The following NPAS3 variants were observed in gnomAD, a reference collection of about 807,000 sequenced individuals.
NPAS3 encodes the protein neuronal PAS domain-containing protein 3.
In NPAS3, 14 loss-of-function variants were observed where a neutral mutation model predicts 73.1. The observed-to-expected ratio is 0.19, with a 90% CI of 0.13 to 0.30. The LOEUF (loss-of-function observed/expected upper bound fraction) is 0.30. NPAS3 is among the 10% of genes least tolerant of loss of function. NPAS3 has a pLI of 1.00. For synonymous variants in NPAS3, 620 were observed against 541.5 expected (o/e 1.14, Z -2.01); for missense variants, 1,096 against 1,250.0 (o/e 0.88, Z 1.86).
chr14:33,683,944 T>C (rs1433246997), intron 6 of NPAS3, among the ~76,000 whole-genome samples: 3 of 152,196 alleles, frequency 2.0e-5, no homozygotes, highest in Non-Finnish European at 2.9e-5. Context: ...CACATCCCTC[T>C]GAGGCAGGTC....
chr14:33,140,616 C>A (rs1368869353), intron 2 of NPAS3, among the ~76,000 whole-genome samples: 3 of 152,106 alleles, frequency 2.0e-5, no homozygotes, highest in African/African-American at 4.8e-5. Flanking sequence ...TTTCATACTT[C>A]AGTTTTGTTT....
chr14:33,018,272 G>A (rs568410216), intron 1 of NPAS3, among the ~76,000 whole-genome samples: 7 of 152,292 alleles, frequency 4.6e-5, no homozygotes, highest in South Asian at 2.1e-4. Flanking sequence ...AAGAGGGATC[G>A]ATTTATCTTG....
intron 7 of NPAS3, among the ~76,000 whole-genome samples, chr14:33,761,179 C>G (rs1242267118): frequency 6.6e-6 from 1 of 151,144 alleles, no homozygotes; most frequent in Non-Finnish European, 1.5e-5. Flanking sequence ...TTTGCTTGGC[C>G]ACTGACAGTT....
chr14:33,615,428 G>C (rs983266861), intron 5 of NPAS3, among the ~76,000 whole-genome samples: 2 of 152,114 alleles, frequency 1.3e-5, no homozygotes, highest in Non-Finnish European at 2.9e-5. Flanking sequence ...CAGTGGGCTT[G>C]GAAAGGCATT....
chr14:33,148,427 T>C (rs1439372792), intron 2 of NPAS3, among the ~76,000 whole-genome samples: 1 of 152,166 alleles, frequency 6.6e-6, no homozygotes, highest in African/African-American at 2.4e-5. Context: ...ATGGTAGGGC[T>C]TATTGACTGC....
At chr14:33,145,825 C>T (rs547150114) in intron 2 of NPAS3, among the ~76,000 whole-genome samples, 5 of 152,292 alleles carry the variant, frequency 3.3e-5, no homozygotes, top group Non-Finnish European at 5.9e-5. Flanking sequence ...CAAGAAATGT[C>T]AGGGCCAGGG....
chr14:33,617,061 T>G (rs1310336696), intron 5 of NPAS3, among the ~76,000 whole-genome samples: 8 of 152,216 alleles, frequency 5.3e-5, no homozygotes, highest in Non-Finnish European at 8.8e-5. Context: ...GTCAAAAAAT[T>G]TCACTGGGAT....
chr14:33,062,325 A>C (rs543904232), intron 2 of NPAS3, among the ~76,000 whole-genome samples: 1 of 152,206 alleles, frequency 6.6e-6, no homozygotes, highest in South Asian at 2.1e-4. Context: ...AGGAATGTGA[A>C]ATTGTGGTGT....
chr14:33,739,094 G>A (rs1788756504), intron 7 of NPAS3, among the ~76,000 whole-genome samples: 1 of 152,156 alleles, frequency 6.6e-6, no homozygotes, highest in South Asian at 2.1e-4. Flanking sequence ...TGGCACAGTA[G>A]ACAGCCTAGA....
intron 4 of NPAS3, among the ~76,000 whole-genome samples, chr14:33,557,702 G>A (rs897196541): frequency 3.3e-5 from 5 of 152,250 alleles, no homozygotes; most frequent in African/African-American, 1.2e-4. Context: ...GGGCGCAGTG[G>A]CTCACGCCTG....
At chr14:33,514,202 G>A (rs142158468) in intron 4 of NPAS3, among the ~76,000 whole-genome samples, 1 of 152,122 alleles carries the variant, frequency 6.6e-6, no homozygotes, top group East Asian at 1.9e-4. Context: ...GGGTCAGTCT[G>A]AAGGTGTGCA....
intron 6 of NPAS3, among the ~76,000 whole-genome samples, chr14:33,706,979 A>G (rs1384087091): frequency 2.0e-5 from 3 of 152,238 alleles, no homozygotes; most frequent in African/African-American, 7.2e-5. Context: ...CAGCAATGAA[A>G]TAGCTCCATT....
intron 3 of NPAS3, among the ~76,000 whole-genome samples, chr14:33,352,546 TG>T (rs1432293398): frequency 6.6e-6 from 1 of 152,246 alleles, no homozygotes; most frequent in Admixed American, 6.5e-5. Context: ...GGATGTCAGA[TG>T]TCTCATCCAA....
intron 4 of NPAS3, among the ~76,000 whole-genome samples, chr14:33,456,898 C>T (rs761067107): frequency 7.9e-5 from 12 of 152,282 alleles, no homozygotes; most frequent in African/African-American, 2.6e-4. Context: ...CAGCTTCCTT[C>T]GTAAAAGGCA....
chr14:33,704,982 A>C (rs2060618221), intron 6 of NPAS3, among the ~76,000 whole-genome samples: 1 of 152,152 alleles, frequency 6.6e-6, no homozygotes, highest in East Asian at 1.9e-4. Flanking sequence ...TTTCTCCATC[A>C]CTTGTCTGCC....
In NPAS3 at chr14:33,543,995, A is replaced by ATG. The variant is rs1406294495; in HGVS notation, c.469-16125_469-16124insGT. ...TATATATATATATATATATATATATATATATATCTATATCAGGAATAGGTG... is the reference window on the plus strand; with the variant it reads ...TATATATATATATATATATATATATATGTATATATCTATATCAGGAATAGGTG... On this transcript the variant is annotated intron_variant, in intron 4 of 11. Coordinates refer to ENST00000356141, the Ensembl canonical transcript of NPAS3. 6.6e-5 allele frequency among the ~76,000 whole-genome samples: 8 copies of ATG among 121,456 alleles called. No individual in the cohort carries two copies. The East Asian group carries it at 2.0e-3, about 31-fold the overall frequency. The allele number at this position is 121,456 out of a possible 152,430, so 79.7% of individuals were successfully genotyped here. A position where few individuals can be genotyped will look rare whatever the true frequency, so the allele number is the denominator to read the frequency against.
At chr14:33,395,773 T>G (rs1380717393) in intron 4 of NPAS3, among the ~76,000 whole-genome samples, 2 of 152,206 alleles carry the variant, frequency 1.3e-5, no homozygotes, top group Admixed American at 1.3e-4. Context: ...GCCTTATTAG[T>G]GCTTTCATTC....
chr14:33,302,817 C>T (rs968576734), intron 3 of NPAS3, among the ~76,000 whole-genome samples: 2 of 151,906 alleles, frequency 1.3e-5, no homozygotes, highest in Non-Finnish European at 2.9e-5. Context: ...TTTTGTTTCC[C>T]ATTTCATATT....
chr14:33,384,420 T>TA (rs2046687966), intron 4 of NPAS3, among the ~76,000 whole-genome samples: 4 of 150,766 alleles, frequency 2.7e-5, no homozygotes, highest in South Asian at 4.5e-4. Context: ...CTGTGTTTTT[T>TA]TAAAAAAAAA....
Sources: gnomAD v4.1 joint callset for allele counts (sites outside exome capture counted in the v4.1 genomes callset) on GRCh38, gnomAD v4.1.1 for gene constraint, MANE v1.5 for transcripts, NCBI Gene and HGNC (gene_info 2026-07-23, HGNC 2026-07-21) for gene names.